CASZ1: variants seen among roughly 807,000 people sequenced by gnomAD.
CASZ1 encodes the protein castor zinc finger 1.
In CASZ1, 28 loss-of-function variants were observed where a neutral mutation model predicts 135.2. The observed-to-expected ratio is 0.21, with a 90% CI of 0.15 to 0.28. The LOEUF (loss-of-function observed/expected upper bound fraction) is 0.28, where lower values mean the gene tolerates loss of function less well. CASZ1 is among the 10% of genes least tolerant of loss of function. The probability of loss-of-function intolerance (pLI) is 1.00; values close to 1 mark genes in which losing one functional copy is unlikely to be tolerated. For synonymous variants in CASZ1, 1,068 were observed against 1,073.4 expected (o/e 0.99, Z 0.10); for missense variants, 2,161 against 2,453.3 (o/e 0.88, Z 2.52).
chr1:10,694,985 G>T lies in CASZ1; in HGVS notation c.-23-1073C>A, dbSNP rs1298036237. 2.0e-5 allele frequency among the ~76,000 whole-genome samples: 3 copies of T among 146,710 alleles called. No homozygotes were observed. The highest frequency in any genetic ancestry group is 4.5e-5 in the Non-Finnish European group (3 of 66,226). ...CGCGCGCGCCTGCCCCACGACCCGCGCGGCCGCGCTAACTTTTCCGCGAGG... is the reference window on the plus strand; with the variant it reads ...CGCGCGCGCCTGCCCCACGACCCGCTCGGCCGCGCTAACTTTTCCGCGAGG... On this transcript the variant is annotated intron_variant, in intron 3 of 20. Coordinates refer to ENST00000377022, the MANE Select transcript of CASZ1 (RefSeq NM_001079843.3). The surrounding 1 kb of genome is among the most constrained non-coding windows in gnomAD (Gnocchi z 6.6).
Position 10,697,401 on chromosome 1 carries a change from C to T in CASZ1, c.-23-3489G>A, listed in dbSNP as rs1173557440. On this transcript the variant is annotated intron_variant, in intron 3 of 20. Transcript: ENST00000377022. The surrounding 1 kb of genome is among the most constrained non-coding windows in gnomAD (Gnocchi z 4.7). ...GCCCGGGACTCAAGGGATGGAAGTC[C>T]AATGCCATAATCTCTTCTGATCTTG... Among the ~76,000 whole-genome samples, 1 of 152,140 alleles carries T rather than the reference C, an allele frequency of 6.6e-6. No individual in the cohort carries two copies. The highest frequency in any genetic ancestry group is 2.4e-5 in the African/African-American group (1 of 41,404).
intron 2 of CASZ1, among the ~76,000 whole-genome samples, chr1:10,758,749 C>T (rs1045015458): frequency 1.3e-5 from 2 of 152,208 alleles, no homozygotes; most frequent in Non-Finnish European, 2.9e-5. Context: ...CACAGGCTTG[C>T]CCCCTGGTCC....
rs746002511 is a variant in CASZ1, at chr1:10,639,480, G to A, written c.4742C>T (p.Thr1581Met). The change falls in exon 21 of 21, where the codon ACG becomes ATG. Residue 1581 changes from threonine (T) to methionine (M), a missense_variant. Thr to Met is a moderately conservative substitution (Grantham distance 81, BLOSUM62 -1). Coordinates refer to ENST00000377022, the MANE Select transcript of CASZ1 (RefSeq NM_001079843.3). This position sits in a 1 kb window ranked among gnomAD's most constrained non-coding sequence, Gnocchi z 4.0. Reference protein sequence around the residue: ...FHCTFPGCRHTVVGMSQMDSH... With the variant: ...FHCTFPGCRHMVVGMSQMDSH... Reference sequence around the variant, plus strand: ...GTCCATCTGCGACATGCCCACCACCGTGTGGCGGCAGCCCGGGAAGGTGCA... The same window carrying A: ...GTCCATCTGCGACATGCCCACCACCATGTGGCGGCAGCCCGGGAAGGTGCA... The A allele has an allele frequency of 5.0e-6, 8 of 1,609,950 alleles. No homozygotes were observed. The highest frequency in any genetic ancestry group is 4.4e-5 in the South Asian group (4 of 90,540).
At chr1:10,656,603 T>C in intron 8 of CASZ1, 43 bp downstream of exon 8, 1 of 1,425,294 alleles carries the variant, frequency 7.0e-7, no homozygotes, top group South Asian at 1.2e-5. Context: ...CTCCATGCTG[T>C]GCTGGTGGCG....
chr1:10,709,388 A>AG lies in CASZ1; in HGVS notation c.-76-3845dup, dbSNP rs573836636. ...GCCATGTCAGCCCGGCAGTGTGAGG[A>AG]GGGGGGCGGCATAGACAACAGGGGC... On this transcript the variant is annotated intron_variant, in intron 2 of 20. Transcript: ENST00000377022. This position sits in a 1 kb window ranked among gnomAD's most constrained non-coding sequence, Gnocchi z 5.1. Among the ~76,000 whole-genome samples the AG allele has an allele frequency of 7.3e-4, 111 of 152,056 alleles. No individual in the cohort carries two copies. The highest frequency in any genetic ancestry group is 2.6e-3 in the African/African-American group (109 of 41,476).
chr1:10,677,555 G>A (rs973967062), intron 4 of CASZ1, among the ~76,000 whole-genome samples: 2 of 152,188 alleles, frequency 1.3e-5, no homozygotes, highest in African/African-American at 2.4e-5. Context: ...CTTGGGACAG[G>A]GGACAGCTAT....
At position 10,639,122 on chromosome 1, in the gene CASZ1, GTCCTCGTCGTCGTCC is replaced by G. The variant is rs1181517807; in HGVS notation, c.5085_5099del (p.Glu1695_Glu1699del). 8.7e-7 allele frequency: 1 copy of G among 1,152,112 alleles called. No individual in the cohort carries two copies. Among genetic ancestry groups the G allele is most frequent in the Non-Finnish European group, 1.1e-6 (1 of 913,566 alleles). The allele number at this position is 1,152,112 out of a possible 1,614,324, so 71.4% of individuals were successfully genotyped here. ...CCTCGTCGTCGTCCTCGTCGTCGTC[GTCCTCGTCGTCGTCC>G]TCGTCCTCGTCGTCTTCGGCCTCCT... On this transcript the variant is annotated inframe_deletion, in exon 21 of 21. Coordinates refer to ENST00000377022, the MANE Select transcript of CASZ1 (RefSeq NM_001079843.3). This position sits in a 1 kb window ranked among gnomAD's most constrained non-coding sequence, Gnocchi z 4.0.
rs1185685653 is a variant in CASZ1 at position 10,697,924 on chromosome 1, T to C, written c.-23-4012A>G. On this transcript the variant is annotated intron_variant, in intron 3 of 20. Coordinates refer to ENST00000377022, the MANE Select transcript of CASZ1 (RefSeq NM_001079843.3). This position sits in a 1 kb window ranked among gnomAD's most constrained non-coding sequence, Gnocchi z 4.7. ...CTCCGGGGCCGATGGAGGGAGGGTG[T>C]CGGGAAAGCTGTGAGCCAGCGAAGT... 1.3e-5 allele frequency among the ~76,000 whole-genome samples: 2 copies of C among 152,052 alleles called. No individual in the cohort carries two copies.
At position 10,647,845 on chromosome 1, in the gene CASZ1, G is replaced by T. The variant is rs757289237; in HGVS notation, c.3453C>A (p.Asn1151Lys). Residue 1151 changes from asparagine (N) to lysine (K), a missense_variant, in exon 16 of 21, where the codon AAC becomes AAA. By Grantham distance (94) the Asn-to-Lys change is moderately conservative. Transcript: ENST00000377022. The surrounding 1 kb of genome is among the most constrained non-coding windows in gnomAD (Gnocchi z 4.9). ...ASPLATTSLE[N>K]AKPQVKPGFL... ...ATCCGGGTTTGACCTGGGGCTTGGC[G>T]TTCTCTAGAGAAGTCGTTGCCAAGG... 6 of 1,613,932 alleles carry T rather than the reference G, an allele frequency of 3.7e-6. No homozygotes were observed. The highest frequency in any genetic ancestry group is 5.1e-6 in the Non-Finnish European group (6 of 1,180,028).
chr1:10,700,513 G>A lies in CASZ1; in HGVS notation c.-24+4979C>T, dbSNP rs1037754375. 6.6e-6 allele frequency among the ~76,000 whole-genome samples: 1 copy of A among 152,160 alleles called. No individual in the cohort carries two copies. Among genetic ancestry groups the A allele is most frequent in the African/African-American group, 2.4e-5 (1 of 41,436 alleles). On this transcript the variant is annotated intron_variant, in intron 3 of 20. Coordinates refer to ENST00000377022, the MANE Select transcript of CASZ1 (RefSeq NM_001079843.3). The surrounding 1 kb of genome is among the most constrained non-coding windows in gnomAD (Gnocchi z 4.2). ...AGGTGTTTGGATGGTGTATGTACAC[G>A]CCTGAGCCTGAACTGTCAGACACAC...
intron 4 of CASZ1, among the ~76,000 whole-genome samples, chr1:10,680,312 G>A (rs1006045601): frequency 4.6e-5 from 7 of 151,574 alleles, no homozygotes; most frequent in African/African-American, 9.7e-5. Context: ...GTGCGAGGCC[G>A]GCTCTGGGGG....
At chr1:10,691,627 G>A (rs765415754) in intron 4 of CASZ1, among the ~76,000 whole-genome samples, 6 of 152,196 alleles carry the variant, frequency 3.9e-5, no homozygotes, top group Non-Finnish European at 8.8e-5. Flanking sequence ...CACGAGCCCC[G>A]GCCAGAGACG....
rs763409069 is a variant in CASZ1 at position 10,645,004 on chromosome 1, A to G, written c.3781T>C (p.Trp1261Arg). The change falls in exon 18 of 21, where the codon TGG becomes CGG. Residue 1261 changes from tryptophan (W) to arginine (R), a missense_variant. Coordinates refer to ENST00000377022, the MANE Select transcript of CASZ1 (RefSeq NM_001079843.3). ...FVTNITTKLP[W>R]HIKKHEKAER... is the part of the protein sequence containing the mutation. ...GCCTTCTCATGCTTCTTGATGTGCC[A>G]GGGGAGCTTGGTGGTGATGTTGGTC... is the stretch of plus-strand genomic sequence containing the variant. The G allele has an allele frequency of 1.2e-6, 2 of 1,614,044 alleles. No individual in the cohort carries two copies. Among genetic ancestry groups the G allele is most frequent in the African/African-American group, 2.7e-5 (2 of 75,070 alleles).
intron 5 of CASZ1, among the ~76,000 whole-genome samples, chr1:10,663,870 A>T (rs1643136505): frequency 6.6e-6 from 1 of 152,198 alleles, no homozygotes; most frequent in Admixed American, 6.5e-5. Flanking sequence ...CTCTGGGGGA[A>T]GGAGGCAGGG....
At chr1:10,728,909 C>T (rs2100502934) in intron 2 of CASZ1, among the ~76,000 whole-genome samples, 2 of 152,264 alleles carry the variant, frequency 1.3e-5, no homozygotes, top group East Asian at 3.9e-4. Flanking sequence ...CTTTGTTCCA[C>T]AGGAGCTGGG....
intron 10 of CASZ1, 74 bp from the exon 11 acceptor site, chr1:10,654,292 G>A (rs938871123): frequency 6.3e-7 from 1 of 1,584,610 alleles, no homozygotes; most frequent in African/African-American, 1.3e-5. Flanking sequence ...CCCTGGGAGG[G>A]ACAGTCCCCC....
chr1:10,767,533 A>G lies in CASZ1; in HGVS notation c.-233-6676T>C, dbSNP rs1640499010. On this transcript the variant is annotated intron_variant, in intron 1 of 20. Coordinates refer to ENST00000377022, the MANE Select transcript of CASZ1 (RefSeq NM_001079843.3). This position sits in a 1 kb window ranked among gnomAD's most constrained non-coding sequence, Gnocchi z 4.2. Reference sequence around the variant, plus strand: ...CGGGAAGCAGAGAGCCGGAGGAGTCAGCAGCTGCCTGCCCCGAGAGGTTTG... The same window carrying G: ...CGGGAAGCAGAGAGCCGGAGGAGTCGGCAGCTGCCTGCCCCGAGAGGTTTG... Among the ~76,000 whole-genome samples, 1 of 152,210 alleles carries G rather than the reference A, an allele frequency of 6.6e-6. No homozygotes were observed. The highest frequency in any genetic ancestry group is 2.4e-5 in the African/African-American group (1 of 41,466).
Position 10,724,182 on chromosome 1 carries a change from G to A in CASZ1, c.-76-18638C>T, listed in dbSNP as rs929206819. On this transcript the variant is annotated intron_variant, in intron 2 of 20. Coordinates refer to ENST00000377022, the MANE Select transcript of CASZ1 (RefSeq NM_001079843.3). The surrounding 1 kb of genome is among the most constrained non-coding windows in gnomAD (Gnocchi z 4.1). ...CAGCTTTAAAAATACCCCAGCACAC[G>A]ATCCACAGGGTGAGAGCAAAGGCCA... Among the ~76,000 whole-genome samples the A allele has an allele frequency of 8.5e-5, 13 of 152,248 alleles. No homozygotes were observed. Among genetic ancestry groups the A allele is most frequent in the Admixed American group, 1.3e-4 (2 of 15,298 alleles).
rs1222979949 is a variant in CASZ1 at position 10,756,293 on chromosome 1, C to T, written c.-77+4408G>A. Among the ~76,000 whole-genome samples, 3 of 152,200 alleles carry T rather than the reference C, an allele frequency of 2.0e-5. No homozygotes were observed. Among genetic ancestry groups the T allele is most frequent in the East Asian group, 3.9e-4 (2 of 5,182 alleles). The stretch of plus-strand genomic sequence containing the variant: ...CACATTGCTTCCCACTTGGGACATC[C>T]CCGATGCACCCCCCACCCTCGCCCC... On this transcript the variant is annotated intron_variant, in intron 2 of 20. Transcript: ENST00000377022. The surrounding 1 kb of genome is among the most constrained non-coding windows in gnomAD (Gnocchi z 5.9).
Sources: gnomAD v4.1 joint callset for allele counts (sites outside exome capture counted in the v4.1 genomes callset) on GRCh38, gnomAD v4.1.1 for gene constraint, Gnocchi (gnomAD v3.1) non-coding constraint, MANE v1.5 for transcripts, NCBI Gene and HGNC (gene_info 2026-07-23, HGNC 2026-07-21) for gene names.